Variants in CCDC144A observed in about 807,000 individuals in gnomAD.
CCDC144A encodes the protein coiled-coil domain containing 144A.
A neutral mutation model predicts 143.8 loss-of-function variants in CCDC144A; 41 were observed. The observed-to-expected ratio is 0.29, with a 90% CI of 0.22 to 0.37. The LOEUF (loss-of-function observed/expected upper bound fraction) is 0.37. Among genes scored for constraint, CCDC144A ranks in the 10% least tolerant of loss-of-function variants. The pLI is 1.00. For synonymous variants in CCDC144A, 242 were observed against 517.9 expected, an observed-to-expected ratio of 0.47 and a Z score of 7.23; for missense variants, 637 against 1,488.8, an observed-to-expected ratio of 0.43 and a Z score of 9.41.
chr17:16,766,305 G>A (rs1915593099), intron 15 of CCDC144A: 1 of 152,202 alleles, frequency 6.6e-6, no homozygotes. Context: ...AGAATGGGAG[G>A]CAGGTTTGCC....
intron 2 of CCDC144A, among the ~76,000 whole-genome samples, chr17:16,702,881 A>G (rs1158258553): frequency 1.3e-5 from 2 of 151,956 alleles, no homozygotes. Flanking sequence ...AACTTATCAG[A>G]TAAGACAAAC....
the CCDC144A span, among the ~76,000 whole-genome samples, chr17:16,678,757 T>TG: frequency 6.8e-6 from 1 of 146,764 alleles, no homozygotes; most frequent in Non-Finnish European, 1.5e-5. Context: ...ATTTGTTTTT[T>TG]TTTTTTTTTT....
intron 12 of CCDC144A, among the ~76,000 whole-genome samples, chr17:16,742,775 C>T (rs935557822): frequency 5.3e-5 from 8 of 152,066 alleles, no homozygotes; most frequent in African/African-American, 1.4e-4. Flanking sequence ...TGTGGTGAGA[C>T]GATATCTTAT....
At chr17:16,683,237 C>T in the CCDC144A span, among the ~76,000 whole-genome samples, 3 of 151,974 alleles carry the variant, frequency 2.0e-5, no homozygotes, top group African/African-American at 4.8e-5. Flanking sequence ...TGTTCCTGAG[C>T]GCAATGTAAT....
chr17:16,692,788 G>A (rs1027140595), intron 1 of CCDC144A, among the ~76,000 whole-genome samples, 191 bp from the exon 2 acceptor site: 2 of 151,438 alleles, frequency 1.3e-5, no homozygotes, highest in Non-Finnish European at 2.9e-5. Flanking sequence ...CAATTCATGA[G>A]TACTTCATCT....
chr17:16,739,112 A>G (rs991958894), intron 12 of CCDC144A, among the ~76,000 whole-genome samples: 2 of 137,744 alleles, frequency 1.5e-5, no homozygotes, highest in African/African-American at 5.8e-5. Context: ...TATCTGTTCA[A>G]ATCTTTTGCC....
At chr17:16,744,098 G>GT (rs1426953777) in intron 12 of CCDC144A, among the ~76,000 whole-genome samples, 4 of 152,162 alleles carry the variant, frequency 2.6e-5, no homozygotes, top group Non-Finnish European at 1.5e-5. Flanking sequence ...TGAGCTTCTG[G>GT]TTTTATTCCA....
At chr17:16,749,319 G>A (rs1385632774) in intron 12 of CCDC144A, among the ~76,000 whole-genome samples, 27 of 152,088 alleles carry the variant, frequency 1.8e-4, no homozygotes, top group Admixed American at 1.8e-3. Context: ...ATCATTGTTT[G>A]ATTTCTGCCT....
At chr17:16,753,314 G>A (rs373882327) in intron 12 of CCDC144A, among the ~76,000 whole-genome samples, 128 of 151,566 alleles carry the variant, frequency 8.4e-4, no homozygotes, top group East Asian at 6.4e-3. Flanking sequence ...CTTGCGTTCA[G>A]TCTGTAGACT....
chr17:16,753,372 C>T (rs1271586778), intron 12 of CCDC144A, among the ~76,000 whole-genome samples: 4 of 149,726 alleles, frequency 2.7e-5, no homozygotes, highest in Admixed American at 2.0e-4. Context: ...AGTCCATGAG[C>T]ATGCAATATC....
At chr17:16,697,954 G>A (rs1258074603) in intron 2 of CCDC144A, among the ~76,000 whole-genome samples, 2 of 152,154 alleles carry the variant, frequency 1.3e-5, no homozygotes, top group Admixed American at 6.5e-5. Flanking sequence ...GGTGTATAGA[G>A]GAGAGCAGCA....
At chr17:16,682,065 A>G in the CCDC144A span, among the ~76,000 whole-genome samples, 1 of 152,070 alleles carries the variant, frequency 6.6e-6, no homozygotes, top group African/African-American at 2.4e-5. Context: ...TCTGCAGTAG[A>G]GCCCTGACCG....
Position 16,690,646 on chromosome 17 carries a change from C to A in CCDC144A, c.246C>A (p.Gly82=), listed in dbSNP as rs763510968. ...ACGACGTCCGCCTGGAAGATCTTGG[C>A]GAGCTCCACAGAGCTGCCCGGTCGG... The part of the protein sequence containing the change: ...PQHDVRLEDL[G]ELHRAARSGD... The change falls in exon 1 of 17, where the codon GGC becomes GGA. Residue 82 remains glycine (G), a synonymous_variant. Transcript: ENST00000399273. 5.0e-6 allele frequency: 8 copies of A among 1,613,654 alleles called. No individual in the cohort carries two copies. Among genetic ancestry groups the A allele is most frequent in the African/African-American group, 2.7e-5 (2 of 74,928 alleles).
intron 15 of CCDC144A, chr17:16,766,430 A>G (rs2461843): frequency 2.6e-5 from 4 of 152,442 alleles, no homozygotes; most frequent in Middle Eastern, 3.4e-3. Flanking sequence ...TTTACAAGAT[A>G]GTGCTGAGAG....
intron 12 of CCDC144A, chr17:16,746,190 T>G: frequency 6.7e-7 from 1 of 1,497,372 alleles, no homozygotes; most frequent in East Asian, 2.4e-5. Flanking sequence ...GGTTGGTTCC[T>G]CTCCCTTTTC....
chr17:16,718,376 T>C (rs1171978413), intron 6 of CCDC144A, among the ~76,000 whole-genome samples: 1 of 152,130 alleles, frequency 6.6e-6, no homozygotes, highest in Non-Finnish European at 1.5e-5. Context: ...CTGGGAATGA[T>C]AGGGACAAGG....
chr17:16,690,677 G>T lies in CCDC144A; in HGVS notation c.277G>T (p.Val93Phe), dbSNP rs756424424. ...ELHRAARSGD[V>F]PGVEHILAPG... ...CCACAGAGCTGCCCGGTCGGGCGAC[G>T]TCCCTGGGGTGGAGCACATCTTAGC... The change falls in exon 1 of 17, where the codon GTC becomes TTC. Residue 93 changes from valine to phenylalanine, a missense_variant. Val to Phe is a conservative substitution (Grantham distance 50). Coordinates refer to ENST00000399273, the MANE Select transcript of CCDC144A (RefSeq NM_001382000.1). 6.2e-7 allele frequency: 1 copy of T among 1,613,816 alleles called. No homozygotes were observed. Among genetic ancestry groups the T allele is most frequent in the Non-Finnish European group, 8.5e-7 (1 of 1,179,796 alleles).
intron 2 of CCDC144A, among the ~76,000 whole-genome samples, chr17:16,703,680 G>T (rs187664606): frequency 4.0e-5 from 6 of 151,720 alleles, no homozygotes; most frequent in East Asian, 1.9e-4. Context: ...GGAGGGCACC[G>T]GTAGTCCCAG....
the CCDC144A span, among the ~76,000 whole-genome samples, chr17:16,670,894 G>C: frequency 6.6e-6 from 1 of 152,068 alleles, no homozygotes; most frequent in African/African-American, 2.4e-5. Context: ...GGATAATAAG[G>C]TGGTTAAGAA....
Sources: allele counts gnomAD v4.1 joint callset (sites outside exome capture counted in the v4.1 genomes callset), GRCh38; gene constraint gnomAD v4.1.1; transcripts MANE v1.5; gene names NCBI Gene and HGNC (gene_info 2026-07-23, HGNC 2026-07-21).